The following PCDHA13 variants were observed in gnomAD, a reference collection of about 807,000 sequenced individuals.
PCDHA13 encodes protocadherin alpha 13, also known as protocadherin alpha-13.
In PCDHA13, 54 loss-of-function variants were observed where a neutral mutation model predicts 64.8. That is an observed-to-expected ratio of 0.83 (90% CI 0.67 to 1.04). The LOEUF (loss-of-function observed/expected upper bound fraction) is 1.04. PCDHA13 is among the 50% of genes least tolerant of loss of function. The pLI is 0.00. For missense variants in PCDHA13, 1,248 were observed against 1,254.3 expected, an observed-to-expected ratio of 0.99 and a Z score of 0.08; for synonymous variants, 587 against 564.4, an observed-to-expected ratio of 1.04 and a Z score of -0.57.
chr5:140,928,036 G>T, intron 1 of PCDHA13: 1 of 1,614,158 alleles, frequency 6.2e-7, no homozygotes, highest in Non-Finnish European at 8.5e-7. Context: ...CATGTCTAGT[G>T]CAGGCCCTTT....
chr5:140,927,420 G>A (rs782549245), intron 1 of PCDHA13: 5 of 1,614,108 alleles, frequency 3.1e-6, no homozygotes, highest in Non-Finnish European at 4.2e-6. Flanking sequence ...TGGGATCGCG[G>A]GTTGACGGCA....
chr5:140,926,373 G>A (rs1040164585), intron 1 of PCDHA13: 3 of 152,370 alleles, frequency 2.0e-5, no homozygotes, highest in African/African-American at 4.8e-5. Context: ...GGCAGGAAGA[G>A]CCCAGCTGGG....
intron 1 of PCDHA13, among the ~76,000 whole-genome samples, chr5:140,902,823 G>A (rs182466889): frequency 1.6e-3 from 246 of 151,864 alleles, no homozygotes; most frequent in Non-Finnish European, 2.9e-3. Flanking sequence ...TTTGGTTTTC[G>A]ATTTCTGAGT....
In PCDHA13 at chr5:140,882,516, T is replaced by C. The variant is rs782263799; in HGVS notation, c.248T>C (p.Ile83Thr). ...DLLEVNLQNGILFVNSRIDRE... is the reference protein window; with the variant it reads ...DLLEVNLQNGTLFVNSRIDRE... ...CTGGAGGTAAATCTGCAGAATGGCA[T>C]TTTGTTTGTGAATTCTCGGATCGAC... is the stretch of plus-strand genomic sequence containing the variant. The change falls in exon 1 of 4, where the codon ATT becomes ACT. Residue 83 changes from isoleucine (I) to threonine (T), a missense_variant. Physicochemically the swap from Ile to Thr is moderately conservative, Grantham distance 89 (BLOSUM62 -1). Coordinates refer to ENST00000289272, the MANE Select transcript of PCDHA13 (RefSeq NM_018904.3). 1.4e-5 allele frequency: 22 copies of C among 1,614,068 alleles called. No individual in the cohort carries two copies. The highest frequency in any genetic ancestry group is 4.0e-5 in the African/African-American group (3 of 74,944).
intron 1 of PCDHA13, among the ~76,000 whole-genome samples, chr5:140,962,257 A>C (rs915555866): frequency 6.6e-6 from 1 of 152,174 alleles, no homozygotes; most frequent in Admixed American, 6.5e-5. Context: ...AATGAAAAAT[A>C]ATTTTATAAT....
chr5:140,934,331 A>C (rs1313968911), intron 1 of PCDHA13, among the ~76,000 whole-genome samples: 1 of 152,116 alleles, frequency 6.6e-6, no homozygotes, highest in East Asian at 1.9e-4. Flanking sequence ...CATGAATGTA[A>C]TAACCACCAG....
intron 1 of PCDHA13, 41 bp downstream of exon 1, chr5:140,884,703 A>C: frequency 1.3e-6 from 2 of 1,495,534 alleles, no homozygotes; most frequent in Non-Finnish European, 1.8e-6. Flanking sequence ...TAAACACTTT[A>C]GCCTTCCTTG....
chr5:140,938,616 A>G (rs1366566018), intron 1 of PCDHA13, among the ~76,000 whole-genome samples: 1 of 152,130 alleles, frequency 6.6e-6, no homozygotes, highest in Non-Finnish European at 1.5e-5. Flanking sequence ...TCTTGGAATA[A>G]ACTCAGGTTG....
chr5:140,989,665 T>C (rs2097353443), intron 3 of PCDHA13, among the ~76,000 whole-genome samples: 1 of 152,190 alleles, frequency 6.6e-6, no homozygotes, highest in Non-Finnish European at 1.5e-5. Context: ...TAAAAGAAAC[T>C]CTGCCCAGAT....
At chr5:140,912,694 G>A (rs1328426442) in intron 1 of PCDHA13, among the ~76,000 whole-genome samples, 1 of 152,090 alleles carries the variant, frequency 6.6e-6, no homozygotes, top group Non-Finnish European at 1.5e-5. Flanking sequence ...GGTCTCAGGG[G>A]GAATGCTTTC....
intron 1 of PCDHA13, among the ~76,000 whole-genome samples, chr5:140,913,163 T>C (rs1248646454): frequency 1.3e-5 from 2 of 152,198 alleles, no homozygotes; most frequent in African/African-American, 4.8e-5. Context: ...AGGATTGGTA[T>C]TAGTTCTTCT....
chr5:140,903,721 C>T (rs2070530222), intron 1 of PCDHA13, among the ~76,000 whole-genome samples: 1 of 152,152 alleles, frequency 6.6e-6, no homozygotes, highest in African/African-American at 2.4e-5. Flanking sequence ...ACAATTCTCC[C>T]TATTATCAAT....
At chr5:140,932,066 G>C (rs1196454003) in intron 1 of PCDHA13, among the ~76,000 whole-genome samples, 1 of 151,752 alleles carries the variant, frequency 6.6e-6, no homozygotes, top group Non-Finnish European at 1.5e-5. Flanking sequence ...AAAATTATCA[G>C]TTTAAGAAAT....
intron 1 of PCDHA13, among the ~76,000 whole-genome samples, chr5:140,959,306 T>C (rs1554224009): frequency 6.6e-6 from 1 of 152,072 alleles, no homozygotes. Flanking sequence ...AGCCCGGTGG[T>C]TGAAGCTGCA....
chr5:140,890,543 CTGAG>C (rs1391853747), intron 1 of PCDHA13, among the ~76,000 whole-genome samples: 1 of 152,012 alleles, frequency 6.6e-6, no homozygotes, highest in African/African-American at 2.4e-5. Context: ...TTTGAAATGA[CTGAG>C]TACTTTTTAT....
In PCDHA13 at chr5:140,883,208, A is replaced by G; in HGVS notation, c.940A>G (p.Lys314Glu). The G allele has an allele frequency of 6.2e-7, 1 of 1,614,034 alleles. No homozygotes were observed. The highest frequency in any genetic ancestry group is 8.5e-7 in the Non-Finnish European group (1 of 1,180,030). Residue 314 changes from lysine to glutamate, a missense_variant, in exon 1 of 4, where the codon AAA becomes GAA. Coordinates refer to ENST00000289272, the MANE Select transcript of PCDHA13 (RefSeq NM_018904.3). ...AGGCAAACTAGATTTCGAAGAAAAG[A>G]AATTATATGAAATATCCGTGGAGGC... ...TKGKLDFEEKKLYEISVEAVD... is the reference protein window; with the variant it reads ...TKGKLDFEEKELYEISVEAVD...
chr5:140,929,460 C>A, intron 1 of PCDHA13: 1 of 1,331,154 alleles, frequency 7.5e-7, no homozygotes, highest in Non-Finnish European at 1.0e-6. Context: ...ACTTCCTGTG[C>A]CAAGAAATCT....
At chr5:140,902,575 T>A (rs1200474088) in intron 1 of PCDHA13, among the ~76,000 whole-genome samples, 1 of 152,082 alleles carries the variant, frequency 6.6e-6, no homozygotes, top group Non-Finnish European at 1.5e-5. Flanking sequence ...TTTTTAAGAT[T>A]TCAATAGTTT....
chr5:140,904,857 T>G (rs1223482596), intron 1 of PCDHA13, among the ~76,000 whole-genome samples: 1 of 152,190 alleles, frequency 6.6e-6, no homozygotes, highest in Non-Finnish European at 1.5e-5. Context: ...CTGAGAATTG[T>G]CTGTTTATGT....
Sources: gnomAD v4.1 joint callset for allele counts (sites outside exome capture counted in the v4.1 genomes callset) on GRCh38, gnomAD v4.1.1 for gene constraint, MANE v1.5 for transcripts, NCBI Gene and HGNC (gene_info 2026-07-23, HGNC 2026-07-21) for gene names.